Variants in CCDC178 observed in about 807,000 individuals in gnomAD.
CCDC178 encodes the protein coiled-coil domain-containing protein 178.
In CCDC178, 126 loss-of-function variants were observed where a neutral mutation model predicts 117.4. That is an observed-to-expected ratio of 1.07 (90% CI 0.93 to 1.24). The LOEUF is 1.24. Among genes scored for constraint, CCDC178 ranks in the 50% most tolerant of loss-of-function variants. The probability of loss-of-function intolerance (pLI) is 0.00; values close to 1 mark genes in which losing one functional copy is unlikely to be tolerated. For synonymous variants in CCDC178, 283 were observed against 313.4 expected (o/e 0.90, Z 1.02); for missense variants, 1,030 against 986.9 (o/e 1.04, Z -0.59).
chr18:33,313,901 C>T (rs1234100278), intron 11 of CCDC178, among the ~76,000 whole-genome samples: 2 of 152,098 alleles, frequency 1.3e-5, no homozygotes, highest in African/African-American at 4.8e-5. Flanking sequence ...GGCAAAGGTG[C>T]TATTAAAAGA....
chr18:33,151,525 T>TA (rs35038466), intron 20 of CCDC178, among the ~76,000 whole-genome samples: 24,509 of 152,054 alleles, frequency 0.16, 2,766 homozygotes, highest in African/African-American at 0.32. Flanking sequence ...AAAAGAGTTC[T>TA]AAAAATACAA....
intron 11 of CCDC178, among the ~76,000 whole-genome samples, chr18:33,318,945 G>C (rs998300601): frequency 1.6e-4 from 24 of 152,120 alleles, no homozygotes; most frequent in Non-Finnish European, 2.2e-4. Context: ...AATATCTTTT[G>C]AACAAAAATT....
intron 21 of CCDC178, among the ~76,000 whole-genome samples, chr18:33,048,104 A>T (rs934932046): frequency 6.6e-6 from 1 of 152,200 alleles, no homozygotes; most frequent in African/African-American, 2.4e-5. Flanking sequence ...GAGAAAGAAG[A>T]CAGCCAATTA....
intron 20 of CCDC178, among the ~76,000 whole-genome samples, chr18:33,206,454 T>C (rs457017): frequency 0.089 from 13,451 of 151,640 alleles, 717 homozygotes; most frequent in African/African-American, 0.15. Flanking sequence ...AAAAACAAAA[T>C]ATAAAAATTT....
chr18:33,238,009 C>T (rs1221148124), intron 15 of CCDC178, among the ~76,000 whole-genome samples: 1 of 152,194 alleles, frequency 6.6e-6, no homozygotes, highest in African/African-American at 2.4e-5. Context: ...ATTCTCTCAG[C>T]TTAGGCAAGT....
intron 14 of CCDC178, among the ~76,000 whole-genome samples, chr18:33,246,263 ATCACAGGGAGAGCTTTGAAAG>A (rs1354703202): frequency 6.6e-6 from 1 of 151,792 alleles, no homozygotes; most frequent in African/African-American, 2.4e-5. Flanking sequence ...ACACATAAAA[ATCACAGGGAGAGCTTTGAAAG>A]TCACAGATTC....
intron 20 of CCDC178, among the ~76,000 whole-genome samples, chr18:33,160,316 T>A (rs2058447378): frequency 6.6e-6 from 1 of 152,214 alleles, no homozygotes; most frequent in Non-Finnish European, 1.5e-5. Context: ...TGAATTTGTG[T>A]TCACAGATGT....
chr18:33,249,711 A>C lies in CCDC178; in HGVS notation c.1410-4283T>G, dbSNP rs559025011. On this transcript the variant is annotated intron_variant, in intron 14 of 22. Transcript: ENST00000383096. The stretch of plus-strand genomic sequence containing the variant: ...TGAAGTGAGGGAGTGTGATGCCTTC[A>C]GCTTTGTTCTTTTGGCTTAGGATTG... Among the ~76,000 whole-genome samples the C allele has an allele frequency of 1.1e-4, 17 of 152,192 alleles. No individual in the cohort carries two copies. The East Asian group carries it at 2.5e-3, about 23-fold the overall frequency.
At chr18:33,346,128 T>C (rs2062889323) in intron 9 of CCDC178, 83 bp downstream of exon 9, 1 of 1,109,306 alleles carries the variant, frequency 9.0e-7, no homozygotes. Context: ...ACTAAGACAA[T>C]TTTTTTAAAA....
At position 33,367,861 on chromosome 18, in the gene CCDC178, G is replaced by A. The variant is rs2063235403; in HGVS notation, c.348+2189C>T. 5.3e-5 allele frequency among the ~76,000 whole-genome samples: 8 copies of A among 151,908 alleles called. No homozygotes were observed. The South Asian group carries it at 1.7e-3, about 32-fold the overall frequency. On this transcript the variant is annotated intron_variant, in intron 6 of 22. Coordinates refer to ENST00000383096, the MANE Select transcript of CCDC178 (RefSeq NM_001105528.4). Reference sequence around the variant, plus strand: ...AAATAACCTTGAAAATTAACAGAAAGTTTGTCATTAGCATTTATTTCATAA... The same window carrying A: ...AAATAACCTTGAAAATTAACAGAAAATTTGTCATTAGCATTTATTTCATAA...
intron 15 of CCDC178, among the ~76,000 whole-genome samples, chr18:33,231,705 T>C (rs1170975767): frequency 6.6e-6 from 1 of 152,164 alleles, no homozygotes; most frequent in Non-Finnish European, 1.5e-5. Context: ...TTCTCCATTC[T>C]CCTGCAGAAC....
chr18:33,333,774 A>T (rs1036813198), intron 9 of CCDC178, among the ~76,000 whole-genome samples: 1 of 152,080 alleles, frequency 6.6e-6, no homozygotes, highest in Non-Finnish European at 1.5e-5. Context: ...GGCGTCCCAA[A>T]GTCCTGGGAT....
rs555641704 is a variant in CCDC178 at position 33,216,829 on chromosome 18, C to T, written c.1933-1134G>A. ...TAGAATGTAGTGGAAATATAACTAA[C>T]TAAGATTTGTTGATAGGTCCATTGG... On this transcript the variant is annotated intron_variant, in intron 18 of 22. Transcript: ENST00000383096. 4.0e-5 allele frequency among the ~76,000 whole-genome samples: 6 copies of T among 151,876 alleles called. No homozygotes were observed. The South Asian group carries it at 1.2e-3, about 32-fold the overall frequency.
intron 20 of CCDC178, among the ~76,000 whole-genome samples, chr18:33,171,184 C>A (rs2058595159): frequency 6.6e-6 from 1 of 152,120 alleles, no homozygotes; most frequent in African/African-American, 2.4e-5. Flanking sequence ...ATAAAATAGA[C>A]CTATCTACTT....
intron 21 of CCDC178, among the ~76,000 whole-genome samples, chr18:33,014,317 A>C (rs1432465247): frequency 6.6e-6 from 1 of 152,226 alleles, no homozygotes; most frequent in Non-Finnish European, 1.5e-5. Context: ...AAACAAGCGC[A>C]TGCTTAGAGC....
At chr18:33,421,642 G>T (rs1316617649) in intron 2 of CCDC178, among the ~76,000 whole-genome samples, 5 of 152,164 alleles carry the variant, frequency 3.3e-5, no homozygotes, top group Non-Finnish European at 7.3e-5. Context: ...CAGGACAAGC[G>T]CTGTATCATT....
At chr18:33,243,302 C>T (rs1024823572) in intron 15 of CCDC178, among the ~76,000 whole-genome samples, 4 of 151,698 alleles carry the variant, frequency 2.6e-5, no homozygotes, top group Non-Finnish European at 5.9e-5. Flanking sequence ...TAAATGATGG[C>T]TAGATAGAAG....
At position 33,246,602 on chromosome 18, in the gene CCDC178, C is replaced by T. The variant is rs761185551; in HGVS notation, c.1410-1174G>A. 2.6e-5 allele frequency among the ~76,000 whole-genome samples: 4 copies of T among 151,678 alleles called. No homozygotes were observed. The South Asian group carries it at 8.3e-4, about 31-fold the overall frequency. On this transcript the variant is annotated intron_variant, in intron 14 of 22. Transcript: ENST00000383096. ...CAAGCAGGAGACATAGCTAGGCTCA[C>T]AAACAAGGTAGAATAGAAATGGGGT...
At chr18:33,126,074 C>A (rs994196272) in intron 20 of CCDC178, among the ~76,000 whole-genome samples, 1 of 152,078 alleles carries the variant, frequency 6.6e-6, no homozygotes, top group African/African-American at 2.4e-5. Context: ...TACTGCTTTG[C>A]AAGGAATAGC....
Sources: gnomAD v4.1 joint callset for allele counts (sites outside exome capture counted in the v4.1 genomes callset) on GRCh38, gnomAD v4.1.1 for gene constraint, MANE v1.5 for transcripts, NCBI Gene and HGNC (gene_info 2026-07-23, HGNC 2026-07-21) for gene names.